Variants in PSMA7 observed in about 807,000 individuals in gnomAD.
The protein encoded by PSMA7 is proteasome subunit alpha type-7.
Under a neutral mutation model 31.3 loss-of-function variants are expected in PSMA7, and 5 were observed. That is an observed-to-expected ratio of 0.16 (90% CI 0.08 to 0.34). The LOEUF is 0.34. Ranked by LOEUF, PSMA7 falls within the 10% of genes least tolerant of loss-of-function variation. The pLI, the probability that PSMA7 is intolerant of heterozygous loss-of-function variation, is 1.00. For synonymous variants in PSMA7, 155 were observed against 121.9 expected, an observed-to-expected ratio of 1.27 and a Z score of -1.79; for missense variants, 217 against 327.5, an observed-to-expected ratio of 0.66 and a Z score of 2.60.
intron 2 of PSMA7, 28 bp from the exon 3 acceptor site, chr20:62,139,933 T>C (rs753927799): frequency 2.5e-6 from 4 of 1,608,328 alleles, no homozygotes; most frequent in Non-Finnish European, 3.4e-6. Context: ...AGGCTTCTGC[T>C]AGAGAGACAG....
At chr20:62,141,809 A>G (rs1283013027) in intron 1 of PSMA7, among the ~76,000 whole-genome samples, 1 of 152,372 alleles carries the variant, frequency 6.6e-6, no homozygotes, top group East Asian at 1.9e-4. Flanking sequence ...TTTATGGCTG[A>G]TGCTGGAGAA....
At chr20:62,142,354 A>C (rs2056936375) in intron 1 of PSMA7, 1 of 152,250 alleles carries the variant, frequency 6.6e-6, no homozygotes, top group Non-Finnish European at 1.5e-5. Context: ...CCTTCATTTC[A>C]AAACAAAGAT....
rs1057446147 is a variant in PSMA7, at chr20:62,139,970, C to G, written c.224-65G>C. 9.6e-6 allele frequency: 15 copies of G among 1,564,256 alleles called. No individual in the cohort carries two copies. The African/African-American group carries it at 1.5e-4, about 16-fold the overall frequency. On this transcript the variant is annotated intron_variant, in intron 2 of 6. Coordinates refer to ENST00000370873, the MANE Select transcript of PSMA7 (RefSeq NM_002792.4). Reference sequence around the variant, plus strand: ...ACAAACTACAGGGTGGGGACAGACACGATGACCCAGCATTTAACCTTCCAC... The same window carrying G: ...ACAAACTACAGGGTGGGGACAGACAGGATGACCCAGCATTTAACCTTCCAC...
chr20:62,142,688 T>A (rs893967659), intron 1 of PSMA7: 1 of 152,276 alleles, frequency 6.6e-6, no homozygotes, highest in Admixed American at 6.5e-5. Context: ...CGCTTTGTTC[T>A]CGAAGCCCAC....
Position 62,140,798 on chromosome 20 carries a change from C to T in PSMA7, c.223+20G>A, listed in dbSNP as rs770768047. 2.0e-5 allele frequency: 32 copies of T among 1,613,344 alleles called. No homozygotes were observed. Among genetic ancestry groups the T allele is most frequent in the Non-Finnish European group, 2.4e-5 (28 of 1,179,434 alleles). ...GCTGAGACTCTAGAGAGTAAGACAG[C>T]GCTCCCCACCGACTCATACCTGCAA... On this transcript the variant is annotated intron_variant, in intron 2 of 6. Coordinates refer to ENST00000370873, the MANE Select transcript of PSMA7 (RefSeq NM_002792.4).
At chr20:62,139,396 C>G (rs2056913877) in intron 3 of PSMA7, 199 bp from the exon 4 acceptor site, 2 of 730,460 alleles carry the variant, frequency 2.7e-6, no homozygotes, top group Admixed American at 5.9e-5. Flanking sequence ...TCACCTAGGA[C>G]CAGAATTGTG....
In PSMA7 at chr20:62,136,943, T is replaced by C. The variant is rs373659959; in HGVS notation, c.661A>G (p.Asn221Asp). 22 of 1,598,342 alleles carry C rather than the reference T, an allele frequency of 1.4e-5. No homozygotes were observed. The African/African-American group carries it at 3.0e-4, about 22-fold the overall frequency. Residue 221 changes from asparagine (N) to aspartate (D), a missense_variant, in exon 7 of 7, where the codon AAT (asparagine) becomes GAT (aspartate). Coordinates refer to ENST00000370873, the MANE Select transcript of PSMA7 (RefSeq NM_002792.4). Reference protein sequence around the residue: ...MRRDQSLKILNPEEIEKYVAE... With the variant: ...MRRDQSLKILDPEEIEKYVAE... The stretch of plus-strand genomic sequence containing the variant: ...ACATACTTCTCAATTTCTTCAGGAT[T>C]TAAAATCTATAGAAAAAAACTTCAT...
rs897580114 is a variant in PSMA7 at position 62,137,523 on chromosome 20, A to G, written c.592-97T>C. The G allele has an allele frequency of 1.5e-5, 17 of 1,156,388 alleles. No individual in the cohort carries two copies. In the African/African-American group the frequency reaches 2.6e-4, roughly 18 times the overall value. 71.6% of individuals were successfully genotyped at this position (1,156,388 alleles called of 1,614,324 possible). A position where few individuals can be genotyped will look rare whatever the true frequency, so the allele number is the denominator to read the frequency against. On this transcript the variant is annotated intron_variant, in intron 5 of 6. Coordinates refer to ENST00000370873, the MANE Select transcript of PSMA7 (RefSeq NM_002792.4). Reference sequence around the variant, plus strand: ...CTTAAATAGGTGTGTACCCAAACCCAGCACCGTCCCAGGAACAGAGGTCCC... The same window carrying G: ...CTTAAATAGGTGTGTACCCAAACCCGGCACCGTCCCAGGAACAGAGGTCCC...
intron 4 of PSMA7, 51 bp from the exon 5 acceptor site, chr20:62,138,341 G>T (rs762224981): frequency 6.5e-7 from 1 of 1,544,200 alleles, no homozygotes; most frequent in South Asian, 1.3e-5. Context: ...ACAACCCAGG[G>T]CCAGCCCTGG....
intron 3 of PSMA7, chr20:62,139,515 T>C: frequency 1.5e-6 from 1 of 687,684 alleles, no homozygotes; most frequent in Non-Finnish European, 2.4e-6. Flanking sequence ...GCTTTGTGAC[T>C]GGTCACTCAG....
At chr20:62,139,432 G>T in intron 3 of PSMA7, 2 of 649,630 alleles carry the variant, frequency 3.1e-6, no homozygotes, top group Non-Finnish European at 5.2e-6. Flanking sequence ...AAATTACTTT[G>T]ACAGGTAGAC....
At chr20:62,141,929 G>A (rs1467977108) in intron 1 of PSMA7, among the ~76,000 whole-genome samples, 2 of 152,238 alleles carry the variant, frequency 1.3e-5, no homozygotes, top group Non-Finnish European at 2.9e-5. Context: ...GTTTAGAGCA[G>A]GGCTTCTCCA....
At chr20:62,138,494 C>T (rs376422915) in intron 4 of PSMA7, among the ~76,000 whole-genome samples, 11 of 151,844 alleles carry the variant, frequency 7.2e-5, no homozygotes, top group East Asian at 3.9e-4. Context: ...TGATTCTTAC[C>T]GAGAATGGGG....
intron 6 of PSMA7, 126 bp downstream of exon 6, chr20:62,137,234 CAGAA>C (rs1186165943): frequency 9.6e-7 from 1 of 1,043,000 alleles, no homozygotes; most frequent in Admixed American, 2.1e-5. Context: ...TGGGGAGCCT[CAGAA>C]AGACATTTTC....
chr20:62,140,128 G>C (rs1288046630), intron 2 of PSMA7, among the ~76,000 whole-genome samples: 1 of 152,140 alleles, frequency 6.6e-6, no homozygotes, highest in Non-Finnish European at 1.5e-5. Context: ...TAAACTCATC[G>C]TAAGTCAAAA....
chr20:62,139,493 C>T, intron 3 of PSMA7: 1 of 653,114 alleles, frequency 1.5e-6, no homozygotes. Context: ...TGGCTTCCAG[C>T]CCCCTTCAAC....
intron 6 of PSMA7, 56 bp downstream of exon 6, chr20:62,137,308 C>T: frequency 6.4e-7 from 1 of 1,556,014 alleles, no homozygotes; most frequent in South Asian, 1.1e-5. Flanking sequence ...TACTGCTCAG[C>T]CCTGATCATG....
chr20:62,138,568 T>TG (rs1440247617), intron 4 of PSMA7, among the ~76,000 whole-genome samples: 2 of 151,950 alleles, frequency 1.3e-5, no homozygotes, highest in Non-Finnish European at 2.9e-5. Flanking sequence ...TTTTTTTTTT[T>TG]TTTGAGGTAG....
Position 62,137,612 on chromosome 20 carries a change from C to A in PSMA7, c.592-186G>T, listed in dbSNP as rs966153513. 1.3e-5 allele frequency: 8 copies of A among 632,116 alleles called. No homozygotes were observed. The Admixed American group carries it at 2.0e-4, about 16-fold the overall frequency. The allele number at this position is 632,116 out of a possible 1,614,324, so 39.2% of individuals were successfully genotyped here. On this transcript the variant is annotated intron_variant, in intron 5 of 6. Coordinates refer to ENST00000370873, the MANE Select transcript of PSMA7 (RefSeq NM_002792.4). The stretch of plus-strand genomic sequence containing the variant: ...CATTTGTGAAGTCTGTTTGGGATGC[C>A]TGCACACCCCTCCGCCTCCCAGCAC...
Sources: gnomAD v4.1 joint callset for allele counts (sites outside exome capture counted in the v4.1 genomes callset) on GRCh38, gnomAD v4.1.1 for gene constraint, MANE v1.5 for transcripts, NCBI Gene and HGNC (gene_info 2026-07-23, HGNC 2026-07-21) for gene names.